The following CSNK2A2IP variants were observed in gnomAD, a reference collection of about 807,000 sequenced individuals.
CSNK2A2IP encodes casein kinase 2 subunit alpha' interacting protein.
chr3:88,347,472 A>C, the CSNK2A2IP span, among the ~76,000 whole-genome samples: 1 of 152,062 alleles, frequency 6.6e-6, no homozygotes, highest in South Asian at 2.1e-4. Context: ...ATCAGTCAGC[A>C]GCCATTCACA....
At chr3:88,422,955 A>T in the CSNK2A2IP span, among the ~76,000 whole-genome samples, 1 of 152,192 alleles carries the variant, frequency 6.6e-6, no homozygotes, top group South Asian at 2.1e-4. Context: ...TTTCTGAAAA[A>T]ATGAATTTTG....
chr3:88,435,976 TTTCAGGA>T, the CSNK2A2IP span, among the ~76,000 whole-genome samples: 4 of 147,854 alleles, frequency 2.7e-5, no homozygotes, highest in African/African-American at 7.5e-5. Flanking sequence ...ATTATATATA[TTTCAGGA>T]AAAGGGTAAA....
At chr3:88,409,101 T>C in the CSNK2A2IP span, among the ~76,000 whole-genome samples, 2 of 152,036 alleles carry the variant, frequency 1.3e-5, no homozygotes, top group African/African-American at 4.8e-5. Context: ...TCCCCTTCGG[T>C]GTCAAGTGTC....
the CSNK2A2IP span, among the ~76,000 whole-genome samples, chr3:88,402,086 A>G: frequency 6.6e-6 from 1 of 151,324 alleles, no homozygotes; most frequent in Non-Finnish European, 1.5e-5. Context: ...AACATTCCAC[A>G]TAGGTACAAA....
At chr3:88,419,815 C>G in the CSNK2A2IP span, among the ~76,000 whole-genome samples, 1 of 152,020 alleles carries the variant, frequency 6.6e-6, no homozygotes, top group South Asian at 2.1e-4. Flanking sequence ...TTTATAAATC[C>G]TAATTATAAA....
At chr3:88,465,777 A>T in the CSNK2A2IP span, 2 of 1,231,548 alleles carry the variant, frequency 1.6e-6, no homozygotes, top group African/African-American at 3.1e-5. Flanking sequence ...TGACATCATC[A>T]CTGGAGCTCA....
At chr3:88,448,399 A>G in the CSNK2A2IP span, among the ~76,000 whole-genome samples, 1 of 152,108 alleles carries the variant, frequency 6.6e-6, no homozygotes, top group Admixed American at 6.6e-5. Flanking sequence ...CTTTATCTCT[A>G]TCTCTATCTA....
At chr3:88,363,025 G>A in the CSNK2A2IP span, among the ~76,000 whole-genome samples, 1 of 152,090 alleles carries the variant, frequency 6.6e-6, no homozygotes, top group Non-Finnish European at 1.5e-5. Context: ...CCAGAGTCAT[G>A]CTCCATTTTG....
the CSNK2A2IP span, among the ~76,000 whole-genome samples, chr3:88,436,384 A>G: frequency 1.4e-4 from 22 of 152,212 alleles, no homozygotes; most frequent in Middle Eastern, 3.4e-3. Flanking sequence ...GATTCAGAAA[A>G]GCTGATAGGT....
At chr3:88,383,543 A>G in the CSNK2A2IP span, among the ~76,000 whole-genome samples, 1 of 152,140 alleles carries the variant, frequency 6.6e-6, no homozygotes, top group African/African-American at 2.4e-5. Context: ...CTGTGTACTC[A>G]TCAGCATATG....
chr3:88,348,161 TGACCA>T, the CSNK2A2IP span, among the ~76,000 whole-genome samples: 1 of 150,766 alleles, frequency 6.6e-6, no homozygotes, highest in African/African-American at 2.4e-5. Flanking sequence ...AATTGTCCTT[TGACCA>T]TGTAGTTTCT....
At chr3:88,382,059 C>T in the CSNK2A2IP span, among the ~76,000 whole-genome samples, 1 of 152,204 alleles carries the variant, frequency 6.6e-6, no homozygotes, top group Non-Finnish European at 1.5e-5. Flanking sequence ...ATTCTTTGCT[C>T]TCTCCCAATC....
chr3:88,381,356 G>T, the CSNK2A2IP span, among the ~76,000 whole-genome samples: 1 of 152,140 alleles, frequency 6.6e-6, no homozygotes, highest in Non-Finnish European at 1.5e-5. Flanking sequence ...ATTCTCAATG[G>T]TATTGGTCAA....
the CSNK2A2IP span, among the ~76,000 whole-genome samples, chr3:88,458,572 T>C: frequency 6.6e-6 from 1 of 152,178 alleles, no homozygotes; most frequent in Non-Finnish European, 1.5e-5. Context: ...TCTCCTTTAA[T>C]CTCTACTGTT....
chr3:88,403,414 A>G, the CSNK2A2IP span, among the ~76,000 whole-genome samples: 1 of 152,134 alleles, frequency 6.6e-6, no homozygotes, highest in African/African-American at 2.4e-5. Context: ...ATTTCTGAGA[A>G]AAAGACCAGC....
At chr3:88,424,930 T>C in the CSNK2A2IP span, among the ~76,000 whole-genome samples, 3 of 152,198 alleles carry the variant, frequency 2.0e-5, no homozygotes, top group South Asian at 6.2e-4. Context: ...GGAATGAATC[T>C]AAAGAGGTTG....
At chr3:88,462,114 C>CATATAT in the CSNK2A2IP span, among the ~76,000 whole-genome samples, 2,352 of 143,116 alleles carry the variant, frequency 0.016, 28 homozygotes, top group East Asian at 0.024. Flanking sequence ...GAGTTTTTTT[C>CATATAT]ATATATATAT....
At chr3:88,446,070 C>A in the CSNK2A2IP span, among the ~76,000 whole-genome samples, 3 of 108,510 alleles carry the variant, frequency 2.8e-5, no homozygotes, top group South Asian at 2.9e-4. Context: ...TTCTTTCTTT[C>A]TTTCTTTCTT....
At chr3:88,462,440 T>G in the CSNK2A2IP span, among the ~76,000 whole-genome samples, 6 of 152,182 alleles carry the variant, frequency 3.9e-5, no homozygotes, top group Non-Finnish European at 8.8e-5. Context: ...GGAAAATATG[T>G]GAGTGAGCAG....
Sources: gnomAD v4.1 joint callset for allele counts (sites outside exome capture counted in the v4.1 genomes callset) on GRCh38, gnomAD v4.1.1 for gene constraint, MANE v1.5 for transcripts, NCBI Gene and HGNC (gene_info 2026-07-23, HGNC 2026-07-21) for gene names.